Variants in MED12L observed in about 807,000 individuals in gnomAD.
The protein encoded by MED12L is mediator complex subunit 12L.
A neutral mutation model predicts 281.3 loss-of-function variants in MED12L; 60 were observed. That is an observed-to-expected ratio of 0.21 (90% CI 0.17 to 0.26). The LOEUF (loss-of-function observed/expected upper bound fraction) is 0.26. Among genes scored for constraint, MED12L ranks in the 10% least tolerant of loss-of-function variants. The pLI, the probability that MED12L is intolerant of heterozygous loss-of-function variation, is 1.00. For synonymous variants in MED12L, 974 were observed against 987.2 expected (o/e 0.99, Z 0.25); for missense variants, 2,146 against 2,680.9 (o/e 0.80, Z 4.41).
chr3:151,361,854 C>T (rs866489395), intron 21 of MED12L, among the ~76,000 whole-genome samples: 3 of 152,086 alleles, frequency 2.0e-5, no homozygotes, highest in Non-Finnish European at 4.4e-5. Flanking sequence ...TCCTGTCATT[C>T]GTTGTATCTT....
chr3:151,299,601 C>T (rs1015242607), intron 16 of MED12L, among the ~76,000 whole-genome samples: 3 of 151,550 alleles, frequency 2.0e-5, no homozygotes, highest in African/African-American at 7.3e-5. Flanking sequence ...GCCTCGGCCT[C>T]CTGAGTAGCA....
In MED12L at chr3:151,419,765, A is replaced by G. The variant is rs903638472; in HGVS notation, c.6408+3343A>G. ...CCTTCCTGCAACCGGAAACGCACCA[A>G]TCCCCAACCCAAATACTATTACATA... On this transcript the variant is annotated intron_variant, in intron 43 of 44. Transcript: ENST00000687756. Among the ~76,000 whole-genome samples, 7 of 152,226 alleles carry G rather than the reference A, an allele frequency of 4.6e-5. No homozygotes were observed. In the East Asian group the frequency reaches 9.6e-4, roughly 21 times the overall value.
At chr3:151,273,084 C>A (rs2149567734) in intron 16 of MED12L, among the ~76,000 whole-genome samples, 1 of 152,246 alleles carries the variant, frequency 6.6e-6, no homozygotes, top group East Asian at 1.9e-4. Context: ...TGAAACACTC[C>A]TGGTCCAAAG....
intron 16 of MED12L, among the ~76,000 whole-genome samples, chr3:151,306,191 T>A (rs911077227): frequency 6.6e-5 from 10 of 152,200 alleles, no homozygotes; most frequent in Admixed American, 5.2e-4. Context: ...TCTGTGTCTC[T>A]CCTCCCTGCA....
At chr3:151,201,698 G>A (rs1216523235) in intron 16 of MED12L, among the ~76,000 whole-genome samples, 1 of 152,218 alleles carries the variant, frequency 6.6e-6, no homozygotes, top group Non-Finnish European at 1.5e-5. Flanking sequence ...CTTTACCGAT[G>A]TCCTTGGCGA....
At chr3:151,429,553 A>T (rs1719237134) in intron 43 of MED12L, among the ~76,000 whole-genome samples, 1 of 152,248 alleles carries the variant, frequency 6.6e-6, no homozygotes, top group Admixed American at 6.5e-5. Flanking sequence ...ACTACCAGTG[A>T]TTCTAACCAA....
At chr3:151,211,137 C>A (rs941925016) in intron 16 of MED12L, among the ~76,000 whole-genome samples, 1 of 152,232 alleles carries the variant, frequency 6.6e-6, no homozygotes, top group African/African-American at 2.4e-5. Context: ...TATTACTCAG[C>A]TGTTGCTTCA....
intron 16 of MED12L, among the ~76,000 whole-genome samples, chr3:151,271,944 C>G (rs1741028557): frequency 6.6e-6 from 1 of 152,122 alleles, no homozygotes; most frequent in African/African-American, 2.4e-5. Context: ...GGTGTCAAAC[C>G]TCAATGAACT....
intron 44 of MED12L, among the ~76,000 whole-genome samples, chr3:151,431,467 TC>T (rs1265813835): frequency 1.3e-5 from 2 of 152,202 alleles, no homozygotes; most frequent in African/African-American, 4.8e-5. Flanking sequence ...AAATTTTTTT[TC>T]TTCTTTAAAA....
chr3:151,402,029 T>A lies in MED12L; in HGVS notation c.5820+7162T>A, dbSNP rs576898279. On this transcript the variant is annotated intron_variant, in intron 39 of 44. Transcript: ENST00000687756. ...GAGGGGTGAGGAAATGAATCACCAATACAAGCATGGCAGCTGGATCTAAAG... is the reference window on the plus strand; with the variant it reads ...GAGGGGTGAGGAAATGAATCACCAAAACAAGCATGGCAGCTGGATCTAAAG... 2.6e-5 allele frequency among the ~76,000 whole-genome samples: 4 copies of A among 152,318 alleles called. No homozygotes were observed. In the East Asian group the frequency reaches 7.7e-4, roughly 29 times the overall value.
chr3:151,116,203 T>C, intron 2 of MED12L, 135 bp from the exon 3 acceptor site: 4 of 594,172 alleles, frequency 6.7e-6, no homozygotes, highest in Non-Finnish European at 1.2e-5. Context: ...AATTTCTGCC[T>C]TCTCTGATTG....
intron 16 of MED12L, among the ~76,000 whole-genome samples, chr3:151,225,169 A>C (rs917458703): frequency 6.6e-6 from 1 of 152,124 alleles, no homozygotes; most frequent in African/African-American, 2.4e-5. Context: ...TATGTTTCTA[A>C]GTCATAGACC....
intron 5 of MED12L, among the ~76,000 whole-genome samples, chr3:151,132,084 T>C (rs1420195726): frequency 1.3e-5 from 2 of 152,216 alleles, no homozygotes; most frequent in Non-Finnish European, 2.9e-5. Flanking sequence ...ATCAAGTGCC[T>C]ATAATAATAT....
chr3:151,114,316 G>A (rs142944227), intron 2 of MED12L, among the ~76,000 whole-genome samples: 1 of 152,208 alleles, frequency 6.6e-6, no homozygotes, highest in East Asian at 1.9e-4. Flanking sequence ...TTCCTATAGC[G>A]GGGTCTTTTG....
chr3:151,217,287 C>G (rs1043238662), intron 16 of MED12L, among the ~76,000 whole-genome samples: 2 of 152,128 alleles, frequency 1.3e-5, no homozygotes, highest in African/African-American at 4.8e-5. Flanking sequence ...ATTATTTTCT[C>G]AGAGTCTTGT....
chr3:151,107,306 G>A (rs1722199062), intron 2 of MED12L, among the ~76,000 whole-genome samples: 1 of 152,144 alleles, frequency 6.6e-6, no homozygotes, highest in African/African-American at 2.4e-5. Flanking sequence ...TCCTCTTGAA[G>A]TTAACTCCTA....
At chr3:151,401,056 C>T (rs1333909637) in intron 39 of MED12L, among the ~76,000 whole-genome samples, 1 of 152,114 alleles carries the variant, frequency 6.6e-6, no homozygotes, top group Non-Finnish European at 1.5e-5. Flanking sequence ...TTGCATCCAT[C>T]AACATAAACA....
chr3:151,387,745 C>T (rs1255415501), intron 36 of MED12L, 65 bp from the exon 37 acceptor site: 1 of 1,528,088 alleles, frequency 6.5e-7, no homozygotes, highest in Non-Finnish European at 8.8e-7. Context: ...ATGTCCCATA[C>T]AAGCCTGGCC....
chr3:151,165,394 G>A lies in MED12L; in HGVS notation c.1258-26G>A, dbSNP rs778340531. 1.9e-6 allele frequency: 3 copies of A among 1,591,756 alleles called. No homozygotes were observed. The African/African-American group carries it at 4.0e-5, about 21-fold the overall frequency. On this transcript the variant is annotated intron_variant, in intron 9 of 44. Coordinates refer to ENST00000687756, the MANE Select transcript of MED12L (RefSeq NM_001393769.1). ...ATGCGCTGTGGCATTCCAAGCACAA[G>A]TTAATTAGAAGCGATTATCTTTCAG...
Sources: allele counts gnomAD v4.1 joint callset (sites outside exome capture counted in the v4.1 genomes callset), GRCh38; gene constraint gnomAD v4.1.1; transcripts MANE v1.5; gene names NCBI Gene and HGNC (gene_info 2026-07-23, HGNC 2026-07-21).